Variants in BCKDHB observed in about 807,000 individuals in gnomAD.
BCKDHB encodes 2-oxoisovalerate dehydrogenase subunit beta, mitochondrial.
BCKDHB carries 41 observed loss-of-function variants against 48.5 expected under a neutral mutation model. That is an observed-to-expected ratio of 0.85 (90% CI 0.66 to 1.10). The LOEUF is 1.10. Ranked by LOEUF, BCKDHB falls within the 50% of genes least tolerant of loss-of-function variation. The probability of loss-of-function intolerance (pLI) is 0.00; values close to 1 mark genes in which losing one functional copy is unlikely to be tolerated. For missense variants in BCKDHB, 496 were observed against 494.2 expected (o/e 1.00, Z -0.03); for synonymous variants, 201 against 174.8 (o/e 1.15, Z -1.18).
At chr6:80,305,800 T>C (rs1379305299) in intron 9 of BCKDHB, among the ~76,000 whole-genome samples, 1 of 152,154 alleles carries the variant, frequency 6.6e-6, no homozygotes, top group East Asian at 1.9e-4. Context: ...ATGAGGTTGA[T>C]TTAACTTGAC....
At chr6:80,303,128 A>C (rs1767670248) in intron 9 of BCKDHB, among the ~76,000 whole-genome samples, 1 of 152,200 alleles carries the variant, frequency 6.6e-6, no homozygotes, top group African/African-American at 2.4e-5. Flanking sequence ...ATTCTTTTGT[A>C]TTGTATGGCT....
chr6:80,118,579 G>C (rs1769833109), intron 1 of BCKDHB, among the ~76,000 whole-genome samples: 1 of 151,402 alleles, frequency 6.6e-6, no homozygotes, highest in African/African-American at 2.4e-5. Context: ...TTCCTTTCAT[G>C]ACAGATTTCT....
intron 3 of BCKDHB, among the ~76,000 whole-genome samples, chr6:80,163,538 GCTTGT>G (rs1282057750): frequency 6.6e-6 from 1 of 152,050 alleles, no homozygotes; most frequent in African/African-American, 2.4e-5. Flanking sequence ...TGTCTCACCT[GCTTGT>G]CTTGTTAACA....
intron 8 of BCKDHB, among the ~76,000 whole-genome samples, chr6:80,223,129 T>C (rs1259294233): frequency 3.9e-5 from 6 of 152,208 alleles, no homozygotes; most frequent in African/African-American, 7.2e-5. Flanking sequence ...TCATTTAATA[T>C]AGAAACAAGG....
intron 8 of BCKDHB, among the ~76,000 whole-genome samples, chr6:80,226,471 C>T (rs932337301): frequency 1.3e-5 from 2 of 152,112 alleles, no homozygotes; most frequent in African/African-American, 4.8e-5. Flanking sequence ...GCCAGAGCTA[C>T]AAAAGTAGGA....
intron 6 of BCKDHB, among the ~76,000 whole-genome samples, chr6:80,181,390 CT>C (rs1164031922): frequency 1.3e-5 from 2 of 152,104 alleles, no homozygotes; most frequent in Non-Finnish European, 2.9e-5. Context: ...GTAACACATA[CT>C]CTGACTGTCA....
At chr6:80,188,977 A>T (rs1773773643) in intron 6 of BCKDHB, among the ~76,000 whole-genome samples, 1 of 152,134 alleles carries the variant, frequency 6.6e-6, no homozygotes, top group African/African-American at 2.4e-5. Context: ...GATTATTTAG[A>T]ATTATTTACA....
chr6:80,305,381 A>G (rs1176072015), intron 9 of BCKDHB, among the ~76,000 whole-genome samples: 2 of 149,530 alleles, frequency 1.3e-5, no homozygotes, highest in Non-Finnish European at 3.0e-5. Flanking sequence ...GAGTCAGTCC[A>G]ATTTCTAAGA....
rs558357892 is a variant in BCKDHB at position 80,235,152 on chromosome 6, A to T, written c.951+31940A>T. The stretch of plus-strand genomic sequence containing the variant: ...TATTGTATATTTCAAAATAGCTAGA[A>T]GATCTACAATGTTCCTAACACAAGG... On this transcript the variant is annotated intron_variant, in intron 8 of 9. Coordinates refer to ENST00000320393, the MANE Select transcript of BCKDHB (RefSeq NM_183050.4). Among the ~76,000 whole-genome samples, 37 of 152,318 alleles carry T rather than the reference A, an allele frequency of 2.4e-4. No homozygotes were observed. In the South Asian group the frequency reaches 7.7e-3, roughly 32 times the overall value.
At chr6:80,322,744 A>G (rs991251311) in intron 9 of BCKDHB, among the ~76,000 whole-genome samples, 9 of 152,152 alleles carry the variant, frequency 5.9e-5, no homozygotes, top group African/African-American at 2.2e-4. Flanking sequence ...CATCGTCACC[A>G]ATAAACATTT....
At chr6:80,276,418 ATT>A (rs1777970999) in intron 9 of BCKDHB, among the ~76,000 whole-genome samples, 1 of 151,968 alleles carries the variant, frequency 6.6e-6, no homozygotes, top group Non-Finnish European at 1.5e-5. Flanking sequence ...TATGGAGAGT[ATT>A]CTTTTAAGTT....
chr6:80,144,585 C>G (rs772897206), intron 3 of BCKDHB, among the ~76,000 whole-genome samples: 1 of 152,122 alleles, frequency 6.6e-6, no homozygotes, highest in Non-Finnish European at 1.5e-5. Flanking sequence ...TCTGATATCT[C>G]TTAGACACTT....
intron 6 of BCKDHB, among the ~76,000 whole-genome samples, chr6:80,182,789 G>A (rs559273003): frequency 6.3e-4 from 96 of 152,158 alleles, no homozygotes; most frequent in African/African-American, 2.3e-3. Context: ...ATTTAGTCAA[G>A]TATGTGAGTG....
chr6:80,310,797 G>A (rs1361962919), intron 9 of BCKDHB, among the ~76,000 whole-genome samples: 1 of 152,132 alleles, frequency 6.6e-6, no homozygotes, highest in Admixed American at 6.5e-5. Flanking sequence ...CATTCTGACT[G>A]GTGTCAGATG....
intron 8 of BCKDHB, among the ~76,000 whole-genome samples, chr6:80,269,243 G>A (rs145224785): frequency 1.6e-3 from 239 of 152,192 alleles, no homozygotes; most frequent in Non-Finnish European, 2.9e-3. Flanking sequence ...GCAGAACAGG[G>A]ATGCCTTGAT....
the BCKDHB span, among the ~76,000 whole-genome samples, chr6:80,359,207 C>T: frequency 6.6e-6 from 1 of 152,212 alleles, no homozygotes; most frequent in Non-Finnish European, 1.5e-5. Context: ...TCCCTCTCAG[C>T]CTCTCCGGAG....
chr6:80,262,031 G>A (rs1777328655), intron 8 of BCKDHB, among the ~76,000 whole-genome samples: 1 of 152,156 alleles, frequency 6.6e-6, no homozygotes, highest in African/African-American at 2.4e-5. Context: ...GGTAGAGCGT[G>A]CAGTTCCCAT....
intron 9 of BCKDHB, among the ~76,000 whole-genome samples, chr6:80,342,429 T>A (rs7762655): frequency 0.78 from 117,042 of 150,938 alleles, 45,736 homozygotes; most frequent in Admixed American, 0.84. Context: ...CTTTAAACGT[T>A]TTATTTTCAG....
the BCKDHB span, among the ~76,000 whole-genome samples, chr6:80,396,976 T>A: frequency 6.2e-4 from 95 of 152,276 alleles, no homozygotes; most frequent in African/African-American, 2.2e-3. Context: ...GGGGCCCAAG[T>A]CTCACAGTTG....
Sources: gnomAD v4.1 joint callset for allele counts (sites outside exome capture counted in the v4.1 genomes callset) on GRCh38, gnomAD v4.1.1 for gene constraint, MANE v1.5 for transcripts, NCBI Gene and HGNC (gene_info 2026-07-23, HGNC 2026-07-21) for gene names.